The following ATP2C1 variants were observed in gnomAD, a reference collection of about 807,000 sequenced individuals.
The protein encoded by ATP2C1 is ATPase secretory pathway Ca2+ transporting 1.
A neutral mutation model predicts 120.5 loss-of-function variants in ATP2C1; 31 were observed. The ratio of observed to expected loss-of-function variants is 0.26; its 90% confidence interval spans 0.19 to 0.35. ATP2C1 has a LOEUF of 0.35. Ranked by LOEUF, ATP2C1 falls within the 10% of genes least tolerant of loss-of-function variation. The pLI is 1.00. For missense variants in ATP2C1, 731 were observed against 1,107.5 expected, an observed-to-expected ratio of 0.66 and a Z score of 4.83; for synonymous variants, 351 against 358.7, an observed-to-expected ratio of 0.98 and a Z score of 0.24.
intron 26 of ATP2C1, among the ~76,000 whole-genome samples, chr3:131,010,457 G>T (rs1037956955): frequency 6.6e-6 from 1 of 152,036 alleles, no homozygotes; most frequent in East Asian, 1.9e-4. Context: ...GCCTCCCAAA[G>T]TGCTGGGATT....
At chr3:130,976,914 C>G (rs879563722) in intron 18 of ATP2C1, among the ~76,000 whole-genome samples, 1 of 152,142 alleles carries the variant, frequency 6.6e-6, no homozygotes, top group Non-Finnish European at 1.5e-5. Flanking sequence ...GGGGTGCCCT[C>G]GTACATTGTA....
chr3:130,875,359 T>A (rs1399139797), intron 1 of ATP2C1, among the ~76,000 whole-genome samples: 1 of 152,228 alleles, frequency 6.6e-6, no homozygotes, highest in East Asian at 1.9e-4. Flanking sequence ...AGCTCATGTA[T>A]GGGTGTGAAC....
At chr3:130,851,457 C>T (rs570515332) in intron 1 of ATP2C1, among the ~76,000 whole-genome samples, 38 of 152,234 alleles carry the variant, frequency 2.5e-4, no homozygotes, top group African/African-American at 8.2e-4. Context: ...TAGAGCACTG[C>T]CATATTCAGT....
chr3:130,954,988 G>A, intron 9 of ATP2C1, 24 bp from the exon 10 acceptor site: 2 of 1,567,834 alleles, frequency 1.3e-6, no homozygotes, highest in African/African-American at 1.4e-5. Context: ...GGATGTAAAT[G>A]TATTTTCCTG....
At chr3:130,991,030 T>C (rs60756306) in intron 20 of ATP2C1, among the ~76,000 whole-genome samples, 8,972 of 152,160 alleles carry the variant, frequency 0.059, 850 homozygotes, top group African/African-American at 0.2. Context: ...AAAAAATGCA[T>C]GTAAGTAAAA....
At chr3:130,872,013 ACT>A (rs1033643399) in intron 1 of ATP2C1, among the ~76,000 whole-genome samples, 3 of 129,490 alleles carry the variant, frequency 2.3e-5, no homozygotes, top group Admixed American at 1.6e-4. Context: ...CAGGAGTGAA[ACT>A]CTGTCTCAAA....
intron 1 of ATP2C1, among the ~76,000 whole-genome samples, chr3:130,880,525 C>T (rs1005239045): frequency 6.6e-6 from 1 of 152,204 alleles, no homozygotes; most frequent in Non-Finnish European, 1.5e-5. Flanking sequence ...ACTGTAAATG[C>T]TTCTAATCCA....
chr3:130,942,273 G>C (rs972174575), intron 8 of ATP2C1, among the ~76,000 whole-genome samples: 1 of 152,222 alleles, frequency 6.6e-6, no homozygotes, highest in African/African-American at 2.4e-5. Flanking sequence ...GATGGAATCA[G>C]ATTTCAGAGG....
chr3:130,977,199 G>C (rs1028988236), intron 18 of ATP2C1, among the ~76,000 whole-genome samples: 4 of 152,218 alleles, frequency 2.6e-5, no homozygotes, highest in African/African-American at 9.6e-5. Flanking sequence ...GCTCCACTGA[G>C]ACAATCCTGG....
At chr3:130,938,934 A>G (rs1046801006) in intron 6 of ATP2C1, among the ~76,000 whole-genome samples, 4 of 152,252 alleles carry the variant, frequency 2.6e-5, no homozygotes, top group Non-Finnish European at 5.9e-5. Flanking sequence ...TCAATATGGA[A>G]TTTTACACAA....
intron 26 of ATP2C1, among the ~76,000 whole-genome samples, chr3:131,011,941 T>C (rs900146483): frequency 2.0e-5 from 3 of 152,174 alleles, no homozygotes; most frequent in Admixed American, 6.5e-5. Flanking sequence ...TAGGAGAAGA[T>C]ATACACCAGA....
chr3:130,983,238 C>G (rs2061849998), intron 20 of ATP2C1, among the ~76,000 whole-genome samples: 1 of 152,168 alleles, frequency 6.6e-6, no homozygotes, highest in Non-Finnish European at 1.5e-5. Flanking sequence ...GTATTACCTA[C>G]ATTATCTAAT....
chr3:130,923,879 A>G (rs1279591382), intron 2 of ATP2C1, among the ~76,000 whole-genome samples: 1 of 151,744 alleles, frequency 6.6e-6, no homozygotes, highest in Non-Finnish European at 1.5e-5. Flanking sequence ...AAAAAAAAAA[A>G]AAAAGGATAA....
chr3:130,970,130 C>A (rs1031382740), intron 17 of ATP2C1, among the ~76,000 whole-genome samples: 2 of 152,062 alleles, frequency 1.3e-5, no homozygotes, highest in Non-Finnish European at 2.9e-5. Flanking sequence ...CCAGCCTGAC[C>A]AATATGGTGA....
upstream of ATP2C1, among the ~76,000 whole-genome samples, chr3:130,892,086 G>C (rs562178506): frequency 3.3e-5 from 5 of 152,260 alleles, no homozygotes; most frequent in East Asian, 9.6e-4. Context: ...AAACCATGGA[G>C]CTATAAATCT....
rs139102686 is a variant in ATP2C1, at chr3:130,955,346, T to C, written c.756+266T>C. Among the ~76,000 whole-genome samples, 8 of 152,244 alleles carry C rather than the reference T, an allele frequency of 5.3e-5. No individual in the cohort carries two copies. In the East Asian group the frequency reaches 1.5e-3, roughly 29 times the overall value. On this transcript the variant is annotated intron_variant, in intron 10 of 27. Coordinates refer to ENST00000510168, the MANE Select transcript of ATP2C1 (RefSeq NM_001378687.1). ...AGCCACTTATTTGTAGATCTTATTA[T>C]TTTCAGAAATTAGTGTTGTGGTAAT...
At chr3:130,999,393 T>C (rs1275224907) in intron 26 of ATP2C1, 125 bp from the exon 27 acceptor site, 2 of 875,014 alleles carry the variant, frequency 2.3e-6, no homozygotes, top group Non-Finnish European at 3.7e-6. Context: ...AGATATTTCA[T>C]AGAATTGACA....
In ATP2C1 at chr3:130,997,716, T is replaced by A. The variant is rs753670997; in HGVS notation, c.2354T>A (p.Ile785Asn). The A allele has an allele frequency of 1.3e-5, 21 of 1,613,646 alleles. No individual in the cohort carries two copies. In the South Asian group the frequency reaches 2.3e-4, roughly 18 times the overall value. The change falls in exon 25 of 28, where the codon ATC becomes AAC. Residue 785 changes from isoleucine (I) to asparagine (N), a missense_variant. By Grantham distance (149) the Ile-to-Asn change is moderately radical. This residue lies in a region of ATP2C1 where 141 missense variants were observed against 201.6 expected (regional missense o/e 0.70). Coordinates refer to ENST00000510168, the MANE Select transcript of ATP2C1 (RefSeq NM_001378687.1). ...CTTAAAATACTTGTTTCATCAATAA[T>A]CATTGTTTGTGGGACTTTGTTTGTC... ...LILKILVSSI[I>N]IVCGTLFVFW...
At chr3:130,953,506 T>C (rs1024829674) in intron 8 of ATP2C1, among the ~76,000 whole-genome samples, 1 of 152,208 alleles carries the variant, frequency 6.6e-6, no homozygotes, top group Non-Finnish European at 1.5e-5. Flanking sequence ...TATTTTGTCA[T>C]GAAAAGTTGA....
Sources: gnomAD v4.1 joint callset for allele counts (sites outside exome capture counted in the v4.1 genomes callset) on GRCh38, gnomAD v4.1.1 for gene constraint, gnomAD v4.1.1 regional missense constraint, MANE v1.5 for transcripts, NCBI Gene and HGNC (gene_info 2026-07-23, HGNC 2026-07-21) for gene names.